DNAH11: variants seen among roughly 807,000 people sequenced by gnomAD.
DNAH11 encodes dynein axonemal heavy chain 11.
DNAH11 carries 442 observed loss-of-function variants against 526.0 expected under a neutral mutation model. The ratio of observed to expected loss-of-function variants is 0.84; its 90% CI spans 0.78 to 0.91. DNAH11 has a LOEUF of 0.91. DNAH11 is among the 40% of genes least tolerant of loss of function. The probability of loss-of-function intolerance (pLI) is 0.00; values close to 1 mark genes in which losing one functional copy is unlikely to be tolerated. For synonymous variants in DNAH11, 2,461 were observed against 1,935.9 expected (o/e 1.27, Z -7.12); for missense variants, 6,989 against 5,448.7 (o/e 1.28, Z -8.90).
chr7:21,752,043 A>C (rs1326098588), intron 54 of DNAH11, among the ~76,000 whole-genome samples: 1 of 152,122 alleles, frequency 6.6e-6, no homozygotes, highest in East Asian at 1.9e-4. Flanking sequence ...ATTTTCTCCA[A>C]CTCCAAGCCA....
At chr7:21,888,577 C>T (rs1166372690) in intron 76 of DNAH11, among the ~76,000 whole-genome samples, 1 of 151,354 alleles carries the variant, frequency 6.6e-6, no homozygotes, top group Non-Finnish European at 1.5e-5. Context: ...GCAACCTCCA[C>T]CTTCCAGATT....
intron 70 of DNAH11, 135 bp from the exon 71 acceptor site, chr7:21,866,335 A>AAAG: frequency 1.4e-6 from 1 of 702,582 alleles, no homozygotes; most frequent in South Asian, 4.2e-5. Flanking sequence ...AAAAAAAAAA[A>AAAG]GGAAATCTGA....
chr7:21,688,075 A>G (rs1174811913), intron 34 of DNAH11, among the ~76,000 whole-genome samples: 1 of 152,112 alleles, frequency 6.6e-6, no homozygotes, highest in Non-Finnish European at 1.5e-5. Context: ...AAAACCCAAA[A>G]GACTTCTAAG....
At chr7:21,754,816 C>T (rs773047817) in intron 54 of DNAH11, among the ~76,000 whole-genome samples, 21 of 152,104 alleles carry the variant, frequency 1.4e-4, no homozygotes, top group South Asian at 1.0e-3. Flanking sequence ...AGAAATATTA[C>T]GGTAAAAAAT....
chr7:21,723,227 G>A (rs981317427), intron 44 of DNAH11, among the ~76,000 whole-genome samples: 5 of 152,158 alleles, frequency 3.3e-5, no homozygotes, highest in African/African-American at 4.8e-5. Context: ...TTTTCATAGG[G>A]CACCTCATTT....
chr7:21,735,233 T>G (rs1265535203), intron 45 of DNAH11, among the ~76,000 whole-genome samples: 3 of 152,208 alleles, frequency 2.0e-5, no homozygotes. Flanking sequence ...TGGCTTGACT[T>G]CTTGAACATT....
intron 65 of DNAH11, among the ~76,000 whole-genome samples, chr7:21,832,861 G>A (rs1297406822): frequency 6.6e-6 from 1 of 152,104 alleles, no homozygotes; most frequent in Admixed American, 6.5e-5. Context: ...TTTACTCTCT[G>A]ATCCTTTTAC....
intron 8 of DNAH11, among the ~76,000 whole-genome samples, chr7:21,572,703 G>A (rs570317229): frequency 6.6e-6 from 1 of 152,334 alleles, no homozygotes; most frequent in Admixed American, 6.5e-5. Context: ...TCTTTGAAGT[G>A]TACGAGTGCA....
In DNAH11 at chr7:21,589,293, T is replaced by C; in HGVS notation, c.2059T>C (p.Tyr687His). The C allele has an allele frequency of 6.2e-7, 1 of 1,610,808 alleles. No individual in the cohort carries two copies. Among genetic ancestry groups the C allele is most frequent in the East Asian group, 2.2e-5 (1 of 44,664 alleles). The change falls in exon 12 of 82, where the codon TAT becomes CAT. Residue 687 changes from tyrosine to histidine, a missense_variant. Transcript: ENST00000409508. ...GCTTGATCAATTTGAAAGTCGTATC[T>C]ATAATGAATGGAAAAGTAATGTGGA... is the stretch of plus-strand genomic sequence containing the variant. The part of the protein sequence containing the change: ...TLLDQFESRI[Y>H]NEWKSNVDEI...
rs548184198 is a variant in DNAH11, at chr7:21,866,643, C to T, written c.11670C>T (p.Asp3890=). ...KLILLRAMRP[D]RMTYALRNFV... ...TTCTTCTGAGAGCAATGCGCCCTGA[C>T]AGAATGACGTATGCTCTCAGGTGGG... Residue 3890 remains aspartate, a synonymous_variant, in exon 71 of 82, where the codon GAC becomes GAT. Transcript: ENST00000409508. The T allele has an allele frequency of 4.8e-5, 78 of 1,612,930 alleles. No homozygotes were observed. Among genetic ancestry groups the T allele is most frequent in the Non-Finnish European group, 6.3e-5 (74 of 1,179,374 alleles).
In DNAH11 at chr7:21,892,614, C is replaced by T. The variant is rs72658823; in HGVS notation, c.12697C>T (p.Gln4233Ter). The change falls in exon 77 of 82, where the codon CAG (glutamine) becomes TAG (stop). Residue 4233 changes from glutamine to a stop codon, truncating the protein, a stop_gained. Coordinates refer to ENST00000409508, the MANE Select transcript of DNAH11 (RefSeq NM_001277115.2). LOFTEE classifies it high-confidence loss of function. ...NTLFRTLLEM[Q>*]PRNALSGDEL... ...TCTCTTCAGAACTTTGCTGGAGATG[C>T]AGCCCAGGAATGCACTCAGTGGTGA... 5 of 1,613,540 alleles carry T rather than the reference C, an allele frequency of 3.1e-6. No homozygotes were observed. In the Admixed American group the frequency reaches 5.0e-5, roughly 16 times the overall value.
rs143081479 is a variant in DNAH11, at chr7:21,826,428, A to C, written c.10691+8089A>C. Among the ~76,000 whole-genome samples, 373 of 152,314 alleles carry C rather than the reference A, an allele frequency of 2.4e-3. 2 individuals carry two copies. Among genetic ancestry groups the C allele is most frequent in the African/African-American group, 8.3e-3 (346 of 41,572 alleles). Reference sequence around the variant, plus strand: ...AAAGTTGGGAGAAAATATAAAAGAAAATTAAGGGGAAAATGTTGCTATGTA... The same window carrying C: ...AAAGTTGGGAGAAAATATAAAAGAACATTAAGGGGAAAATGTTGCTATGTA... On this transcript the variant is annotated intron_variant, in intron 65 of 81. Coordinates refer to ENST00000409508, the MANE Select transcript of DNAH11 (RefSeq NM_001277115.2).
chr7:21,735,263 T>G (rs1167814135), intron 45 of DNAH11, among the ~76,000 whole-genome samples: 6 of 152,228 alleles, frequency 3.9e-5, no homozygotes, highest in African/African-American at 9.6e-5. Context: ...CCTGAAATGT[T>G]GTAGATAGTT....
At chr7:21,710,816 T>C (rs2128480960) in intron 41 of DNAH11, 113 bp downstream of exon 41, 3 of 1,053,856 alleles carry the variant, frequency 2.8e-6, no homozygotes, top group Non-Finnish European at 3.9e-6. Context: ...GGATTCTTTA[T>C]GTAATTATTA....
At chr7:21,547,259 C>G (rs1271158144) in intron 2 of DNAH11, among the ~76,000 whole-genome samples, 1 of 152,166 alleles carries the variant, frequency 6.6e-6, no homozygotes, top group African/African-American at 2.4e-5. Flanking sequence ...AGTGTTTTAT[C>G]CACAGCTCAT....
chr7:21,718,338 A>G (rs1784748213), intron 43 of DNAH11, among the ~76,000 whole-genome samples: 2 of 152,202 alleles, frequency 1.3e-5, no homozygotes. Flanking sequence ...GTTCCTAAGT[A>G]ACTTGCCCAG....
chr7:21,679,145 AAGAC>A (rs1783035173), intron 30 of DNAH11, among the ~76,000 whole-genome samples: 2 of 152,210 alleles, frequency 1.3e-5, no homozygotes, highest in Admixed American at 6.5e-5. Context: ...TAAACACAGA[AAGAC>A]AAATACTGCA....
chr7:21,802,413 T>G (rs1583711702), intron 62 of DNAH11, among the ~76,000 whole-genome samples: 1 of 152,232 alleles, frequency 6.6e-6, no homozygotes, highest in East Asian at 1.9e-4. Context: ...AGTTCTGCAG[T>G]TCCTCAAAAC....
intron 36 of DNAH11, among the ~76,000 whole-genome samples, chr7:21,699,213 A>G (rs1425571051): frequency 2.0e-5 from 3 of 152,148 alleles, no homozygotes; most frequent in Non-Finnish European, 2.9e-5. Flanking sequence ...TTCTTTATTT[A>G]AAGGTAGGGT....
Sources: gnomAD v4.1 joint callset for allele counts (sites outside exome capture counted in the v4.1 genomes callset) on GRCh38, gnomAD v4.1.1 for gene constraint, MANE v1.5 for transcripts, NCBI Gene and HGNC (gene_info 2026-07-23, HGNC 2026-07-21) for gene names.